The following BAHCC1 variants were observed in gnomAD, a reference collection of about 807,000 sequenced individuals.
BAHCC1 encodes the protein BAH and coiled-coil domain-containing protein 1.
In BAHCC1, 43 loss-of-function variants were observed where a neutral mutation model predicts 88.2. The observed-to-expected ratio is 0.49, with a 90% CI of 0.38 to 0.63. BAHCC1 has a LOEUF of 0.63. BAHCC1 is among the 20% of genes least tolerant of loss of function. BAHCC1 has a pLI of 0.00. For synonymous variants in BAHCC1, 1,510 were observed against 745.5 expected (o/e 2.03, Z -16.71); for missense variants, 3,023 against 1,654.8 (o/e 1.83, Z -14.34).
intron 27 of BAHCC1, among the ~76,000 whole-genome samples, chr17:81,463,332 G>A (rs2030466094): frequency 6.6e-6 from 1 of 152,218 alleles, no homozygotes; most frequent in Non-Finnish European, 1.5e-5. Flanking sequence ...CTGAGAAGAA[G>A]CCATTTTCCA....
chr17:81,416,366 A>G (rs1472528001), intron 2 of BAHCC1, among the ~76,000 whole-genome samples: 6 of 68,996 alleles, frequency 8.7e-5, no homozygotes, highest in Admixed American at 3.1e-4. Context: ...GGGTGGGTCT[A>G]TGCGTGTGTC....
chr17:81,416,522 A>G (rs1260639029), intron 2 of BAHCC1, among the ~76,000 whole-genome samples: 3 of 143,306 alleles, frequency 2.1e-5, no homozygotes, highest in Non-Finnish European at 4.5e-5. Flanking sequence ...TGTGTCCATG[A>G]GGATGGGTGT....
chr17:81,414,588 G>A (rs1555648321), intron 2 of BAHCC1, among the ~76,000 whole-genome samples: 1 of 152,218 alleles, frequency 6.6e-6, no homozygotes, highest in African/African-American at 2.4e-5. Context: ...GGAACGCCGA[G>A]TTTTTACCTC....
intron 2 of BAHCC1, among the ~76,000 whole-genome samples, chr17:81,405,482 G>A (rs2063866819): frequency 6.6e-6 from 1 of 152,084 alleles, no homozygotes; most frequent in Non-Finnish European, 1.5e-5. Flanking sequence ...TTCCTTGGCT[G>A]TTTCTTAACT....
At chr17:81,426,772 C>A in intron 2 of BAHCC1, 28 bp from the exon 3 acceptor site, 1 of 398,566 alleles carries the variant, frequency 2.5e-6, no homozygotes, top group Non-Finnish European at 4.4e-6. Flanking sequence ...GAGCTGCCCC[C>A]AGAGTCACTC....
chr17:81,418,795 G>GTA (rs1214272826), intron 2 of BAHCC1, among the ~76,000 whole-genome samples: 10 of 53,954 alleles, frequency 1.9e-4, no homozygotes, highest in East Asian at 1.7e-3. Flanking sequence ...GTACGTGTGT[G>GTA]CGTGTGTGTG....
intron 24 of BAHCC1, 38 bp downstream of exon 24, chr17:81,460,434 G>C (rs782694983): frequency 1.4e-6 from 1 of 737,442 alleles, no homozygotes. Context: ...GCCCTGCCTG[G>C]GCTCCACTGT....
chr17:81,433,258 C>T (rs1298608934), intron 3 of BAHCC1, among the ~76,000 whole-genome samples: 3 of 152,154 alleles, frequency 2.0e-5, no homozygotes, highest in East Asian at 1.9e-4. Context: ...CTTTGAAACA[C>T]AGCCTGGACA....
In BAHCC1 at chr17:81,436,336, G is replaced by A. The variant is rs1360118200; in HGVS notation, c.359-2034G>A. On this transcript the variant is annotated intron_variant, in intron 3 of 27. Transcript: ENST00000675386. ...GCAGCTGCCCCCAGAGGGGACCGGC[G>A]GGAAGGAGCCCACTCCTCTGCCAGC... is the stretch of plus-strand genomic sequence containing the variant. Among the ~76,000 whole-genome samples the A allele has an allele frequency of 1.1e-4, 16 of 152,182 alleles. No individual in the cohort carries two copies. The East Asian group carries it at 1.2e-3, about 11-fold the overall frequency.
intron 3 of BAHCC1, among the ~76,000 whole-genome samples, chr17:81,432,387 C>T (rs1326503511): frequency 2.0e-5 from 3 of 152,056 alleles, no homozygotes; most frequent in Non-Finnish European, 2.9e-5. Flanking sequence ...GGTGGACAGG[C>T]GGAAGGGAGT....
rs782416592 is a variant in BAHCC1 at position 81,447,207 on chromosome 17, G to A, written c.3335G>A (p.Arg1112Lys). ...LPGEPPPCSP[R>K]SLEEPGLLSG... ...GGGGAGCCGCCTCCCTGCAGCCCCA[G>A]GAGCCTGGAGGAGCCCGGGCTGCTC... Residue 1112 changes from arginine to lysine, a missense_variant, in exon 11 of 28, where the codon AGG (arginine) becomes AAG (lysine). Coordinates refer to ENST00000675386, the MANE Select transcript of BAHCC1 (RefSeq NM_001377448.1). 2.0e-5 allele frequency: 15 copies of A among 752,664 alleles called. No individual in the cohort carries two copies. In the African/African-American group the frequency reaches 2.2e-4, roughly 11 times the overall value. The allele number at this position is 752,664 out of a possible 1,614,324, so 46.6% of individuals were successfully genotyped here. A position where few individuals can be genotyped will look rare whatever the true frequency, so the allele number is the denominator to read the frequency against.
At chr17:81,441,490 G>A (rs1009665588) in intron 4 of BAHCC1, among the ~76,000 whole-genome samples, 20 of 151,970 alleles carry the variant, frequency 1.3e-4, no homozygotes, top group East Asian at 7.7e-4. Flanking sequence ...GTGAAACCCC[G>A]TCTCTACTAA....
chr17:81,429,318 G>A (rs1332319696), intron 3 of BAHCC1, among the ~76,000 whole-genome samples: 3 of 152,224 alleles, frequency 2.0e-5, no homozygotes, highest in Admixed American at 6.5e-5. Flanking sequence ...TGCGAGGCCC[G>A]TGCTCCAGCT....
intron 14 of BAHCC1, among the ~76,000 whole-genome samples, chr17:81,453,323 CCTT>C (rs1306688883): frequency 9.9e-5 from 15 of 152,262 alleles, no homozygotes; most frequent in African/African-American, 3.1e-4. Context: ...GTATAATTGT[CCTT>C]CTCGGCTACA....
intron 2 of BAHCC1, among the ~76,000 whole-genome samples, chr17:81,412,681 G>A (rs1021299325): frequency 6.6e-6 from 1 of 152,116 alleles, no homozygotes; most frequent in Non-Finnish European, 1.5e-5. Flanking sequence ...TTCCCCGTCC[G>A]CGCCCCCCGC....
chr17:81,435,873 C>A lies in BAHCC1; in HGVS notation c.359-2497C>A, dbSNP rs976982616. Among the ~76,000 whole-genome samples, 5 of 152,230 alleles carry A rather than the reference C, an allele frequency of 3.3e-5. No homozygotes were observed. The highest frequency in any genetic ancestry group is 7.3e-5 in the Non-Finnish European group (5 of 68,040). On this transcript the variant is annotated intron_variant, in intron 3 of 27. Coordinates refer to ENST00000675386, the MANE Select transcript of BAHCC1 (RefSeq NM_001377448.1). The surrounding 1 kb of genome is among the most constrained non-coding windows in gnomAD (Gnocchi z 4.4). ...GTGTCCCCGGCCCAGCCACAGCAGC[C>A]CTGCCTTCTGGCTTCTGGCCTCAGA...
At chr17:81,415,291 T>C (rs868916301) in intron 2 of BAHCC1, among the ~76,000 whole-genome samples, 2 of 152,236 alleles carry the variant, frequency 1.3e-5, no homozygotes, top group African/African-American at 4.8e-5. Context: ...GCTCAGCCTC[T>C]TGGGGTCGCA....
At position 81,456,893 on chromosome 17, in the gene BAHCC1, GC is replaced by G. The variant is rs2064759626; in HGVS notation, c.4858+312del. On this transcript the variant is annotated intron_variant, in intron 16 of 27. Transcript: ENST00000675386. ...AAAAATAGCCCTCTCAACGGCCCCA[GC>G]CCCTGTGACTGTAGCATCCGGCTGA... 2.6e-5 allele frequency among the ~76,000 whole-genome samples: 4 copies of G among 152,204 alleles called. No individual in the cohort carries two copies. The South Asian group carries it at 8.3e-4, about 32-fold the overall frequency.
intron 2 of BAHCC1, among the ~76,000 whole-genome samples, chr17:81,404,437 T>C (rs2063855162): frequency 6.6e-6 from 1 of 152,226 alleles, no homozygotes; most frequent in Non-Finnish European, 1.5e-5. Context: ...TTAGTGGTCT[T>C]GCCCTGGCCT....
Sources: gnomAD v4.1 joint callset for allele counts (sites outside exome capture counted in the v4.1 genomes callset) on GRCh38, gnomAD v4.1.1 for gene constraint, Gnocchi (gnomAD v3.1) non-coding constraint, MANE v1.5 for transcripts, NCBI Gene and HGNC (gene_info 2026-07-23, HGNC 2026-07-21) for gene names.